The following RTN4R variants were observed in gnomAD, a reference collection of about 807,000 sequenced individuals.
The protein encoded by RTN4R is reticulon-4 receptor.
Under a neutral mutation model 27.7 loss-of-function variants are expected in RTN4R, and 4 were observed. The observed-to-expected ratio is 0.14, with a 90% CI of 0.07 to 0.33. The LOEUF is 0.33. RTN4R is among the 10% of genes least tolerant of loss of function. RTN4R has a pLI of 1.00. For synonymous variants in RTN4R, 290 were observed against 305.6 expected (o/e 0.95, Z 0.53); for missense variants, 554 against 671.5 (o/e 0.83, Z 1.93).
chr22:20,245,999 C>G (rs1001770815), intron 1 of RTN4R, among the ~76,000 whole-genome samples: 4 of 152,250 alleles, frequency 2.6e-5, no homozygotes, highest in Admixed American at 1.3e-4. Flanking sequence ...AGCCTCCAAG[C>G]TGCACACAAA....
chr22:20,265,844 C>G (rs548970413), intron 1 of RTN4R, among the ~76,000 whole-genome samples: 1 of 152,186 alleles, frequency 6.6e-6, no homozygotes, highest in Non-Finnish European at 1.5e-5. Context: ...CAGGGAAAGC[C>G]GGGCCAATTC....
chr22:20,258,320 C>G (rs1462729464), intron 1 of RTN4R, among the ~76,000 whole-genome samples: 1 of 152,190 alleles, frequency 6.6e-6, no homozygotes, highest in Non-Finnish European at 1.5e-5. Context: ...CTCCCCCAGC[C>G]CCACCCCTGC....
intron 1 of RTN4R, chr22:20,249,291 A>C (rs2051161310): frequency 2.0e-6 from 1 of 501,360 alleles, no homozygotes; most frequent in Non-Finnish European, 4.1e-6. Flanking sequence ...CAGCACTGCC[A>C]TACACCTGCC....
rs757177754 is a variant in RTN4R at position 20,241,912 on chromosome 22, C to T, written c.1221G>A (p.Gly407=). Residue 407 remains glycine, a synonymous_variant, in exon 2 of 2, where the codon GGG becomes GGA. Transcript: ENST00000043402. ...TCCGGCGAGGGCCCGAGGTGGGGAACCCTGGTGGCTCGGAGCCCTCGGGCC... is the reference window on the plus strand; with the variant it reads ...TCCGGCGAGGGCCCGAGGTGGGGAATCCTGGTGGCTCGGAGCCCTCGGGCC... ...AVRPEGSEPP[G]FPTSGPRRRP... The T allele has an allele frequency of 6.2e-7, 1 of 1,605,878 alleles. No homozygotes were observed. Among genetic ancestry groups the T allele is most frequent in the South Asian group, 1.1e-5 (1 of 90,962 alleles).
At chr22:20,267,580 C>T (rs2051285678) in intron 1 of RTN4R, 1 of 468,426 alleles carries the variant, frequency 2.1e-6, no homozygotes, top group East Asian at 7.2e-5. Context: ...CTGCCGCCAA[C>T]GCCCCCATTC....
At chr22:20,259,680 C>T (rs1357630246) in intron 1 of RTN4R, among the ~76,000 whole-genome samples, 1 of 152,204 alleles carries the variant, frequency 6.6e-6, no homozygotes, top group Admixed American at 6.5e-5. Flanking sequence ...ACACTGGAGC[C>T]TCCTCAGCCC....
At chr22:20,246,191 C>T (rs2051140041) in intron 1 of RTN4R, among the ~76,000 whole-genome samples, 1 of 152,198 alleles carries the variant, frequency 6.6e-6, no homozygotes, top group Non-Finnish European at 1.5e-5. Flanking sequence ...AGGGCTGGCT[C>T]TCCTGCCTGG....
At position 20,255,686 on chromosome 22, in the gene RTN4R, T is replaced by C. The variant is rs1260278519; in HGVS notation, c.22+12385A>G. On this transcript the variant is annotated intron_variant, in intron 1 of 1. Coordinates refer to ENST00000043402, the MANE Select transcript of RTN4R (RefSeq NM_023004.6). The surrounding 1 kb of genome is among the most constrained non-coding windows in gnomAD (Gnocchi z 4.8). ...CTGTGATGAAGCCCCACCCCTGGAT[T>C]CCCCTTACCCCTGCCCGCTCCTGTC... Among the ~76,000 whole-genome samples, 3 of 151,996 alleles carry C rather than the reference T, an allele frequency of 2.0e-5. No individual in the cohort carries two copies. Among genetic ancestry groups the C allele is most frequent in the Non-Finnish European group, 4.4e-5 (3 of 67,940 alleles).
chr22:20,267,942 C>T (rs1345460357), intron 1 of RTN4R, 129 bp downstream of exon 1: 24 of 480,892 alleles, frequency 5.0e-5, no homozygotes, highest in Non-Finnish European at 6.9e-5. Flanking sequence ...CGGTGGCTTT[C>T]CCTGCCGCCC....
intron 1 of RTN4R, among the ~76,000 whole-genome samples, chr22:20,258,078 C>T (rs749000703): frequency 6.6e-5 from 10 of 152,208 alleles, no homozygotes; most frequent in Non-Finnish European, 1.3e-4. Context: ...ACATCACCCC[C>T]GGAGGGACCA....
chr22:20,243,405 C>T (rs984083863), intron 1 of RTN4R: 4 of 661,972 alleles, frequency 6.0e-6, no homozygotes, highest in African/African-American at 3.6e-5. Context: ...GGGGCACTCA[C>T]TTGAAGGCCT....
intron 1 of RTN4R, 67 bp downstream of exon 1, chr22:20,268,004 G>C: frequency 2.1e-6 from 2 of 960,808 alleles, no homozygotes; most frequent in Non-Finnish European, 2.6e-6. Flanking sequence ...CGGCTCCGGG[G>C]AGGGGGCGAG....
rs116957492 is a variant in RTN4R at position 20,264,594 on chromosome 22, G to A, written c.22+3477C>T. Among the ~76,000 whole-genome samples, 799 of 152,366 alleles carry A rather than the reference G, an allele frequency of 5.2e-3. 19 individuals are homozygous for A. In the East Asian group the frequency reaches 0.066, roughly 13 times the overall value. On this transcript the variant is annotated intron_variant, in intron 1 of 1. Transcript: ENST00000043402. ...AGTGAATGAATGAACAAATGAGAAA[G>A]TGAATGGATGGTTGGGGCAAATGCA... is the stretch of plus-strand genomic sequence containing the variant.
chr22:20,251,564 GCAT>G (rs764091159), intron 1 of RTN4R, among the ~76,000 whole-genome samples: 41 of 135,416 alleles, frequency 3.0e-4, no homozygotes, highest in Non-Finnish European at 5.4e-4. Flanking sequence ...ATCAGCAGCA[GCAT>G]CATCACCATC....
intron 1 of RTN4R, among the ~76,000 whole-genome samples, chr22:20,257,639 C>T (rs761736054): frequency 5.9e-5 from 9 of 152,234 alleles, no homozygotes; most frequent in Non-Finnish European, 1.0e-4. Context: ...CCTTGTCTAT[C>T]GTATTTTGTC....
At chr22:20,247,085 C>T (rs374741032) in intron 1 of RTN4R, among the ~76,000 whole-genome samples, 3 of 152,218 alleles carry the variant, frequency 2.0e-5, no homozygotes, top group East Asian at 3.9e-4. Context: ...AGGGGCTGGG[C>T]TGCAGGCCAC....
chr22:20,245,741 T>G (rs1020738221), intron 1 of RTN4R, among the ~76,000 whole-genome samples: 1 of 152,174 alleles, frequency 6.6e-6, no homozygotes, highest in African/African-American at 2.4e-5. Context: ...CTTCTGGAGA[T>G]AGCATGGCCT....
chr22:20,249,459 G>A (rs2051162369), intron 1 of RTN4R, among the ~76,000 whole-genome samples: 2 of 152,220 alleles, frequency 1.3e-5, no homozygotes, highest in Non-Finnish European at 2.9e-5. Flanking sequence ...GCTGACCACT[G>A]CCTGTGAGCC....
chr22:20,262,646 AC>A (rs1294534923), intron 1 of RTN4R, among the ~76,000 whole-genome samples: 1 of 151,964 alleles, frequency 6.6e-6, no homozygotes, highest in African/African-American at 2.4e-5. Flanking sequence ...AGAGCCCCAC[AC>A]CCCACACACT....
Sources: gnomAD v4.1 joint callset for allele counts (sites outside exome capture counted in the v4.1 genomes callset) on GRCh38, gnomAD v4.1.1 for gene constraint, Gnocchi (gnomAD v3.1) non-coding constraint, MANE v1.5 for transcripts, NCBI Gene and HGNC (gene_info 2026-07-23, HGNC 2026-07-21) for gene names.